The following KIF17 variants were observed in gnomAD, a reference collection of about 807,000 sequenced individuals.
KIF17 encodes the protein kinesin family member 17, also known as kinesin-like protein KIF17.
Under a neutral mutation model 96.8 loss-of-function variants are expected in KIF17, and 80 were observed. The ratio of observed to expected loss-of-function variants is 0.83; its 90% CI spans 0.69 to 1.00. KIF17 has a LOEUF of 1.00. Ranked by LOEUF, KIF17 falls within the 50% of genes least tolerant of loss-of-function variation. The pLI, the probability that KIF17 is intolerant of heterozygous loss-of-function variation, is 0.00. For synonymous variants in KIF17, 567 were observed against 587.5 expected, an observed-to-expected ratio of 0.97 and a Z score of 0.51; for missense variants, 1,280 against 1,372.9, an observed-to-expected ratio of 0.93 and a Z score of 1.07.
rs890974500 is a variant in KIF17, at chr1:20,672,856, C to CCT, written c.2464-662_2464-661dup. 28 of 162,338 alleles carry CCT rather than the reference C, an allele frequency of 1.7e-4. No individual in the cohort carries two copies. The South Asian group carries it at 4.1e-3, about 23-fold the overall frequency. The allele number at this position is 162,338 out of a possible 1,614,324, so 10.1% of individuals were successfully genotyped here. ...GACTGCCAGCCCCAGCCATAACCAC[C>CCT]CTCTCCCTGAGCCCCAAGACTACCT... is the stretch of plus-strand genomic sequence containing the variant. On this transcript the variant is annotated intron_variant, in intron 11 of 14. Coordinates refer to ENST00000400463, the MANE Select transcript of KIF17 (RefSeq NM_001122819.3). The surrounding 1 kb of genome is among the most constrained non-coding windows in gnomAD (Gnocchi z 4.3).
intron 4 of KIF17, among the ~76,000 whole-genome samples, chr1:20,708,281 G>A (rs1484849296): frequency 6.6e-6 from 1 of 152,188 alleles, no homozygotes; most frequent in African/African-American, 2.4e-5. Flanking sequence ...CCAAGGCCAG[G>A]TCACCACACC....
At chr1:20,703,184 T>TGAATGGAC (rs1433733624) in intron 5 of KIF17, among the ~76,000 whole-genome samples, 29 of 142,612 alleles carry the variant, frequency 2.0e-4, no homozygotes, top group Admixed American at 5.6e-4. Context: ...GATGAATGGA[T>TGAATGGAC]GGACGGATGG....
intron 4 of KIF17, among the ~76,000 whole-genome samples, chr1:20,705,564 A>G (rs1443260479): frequency 6.6e-6 from 1 of 152,240 alleles, no homozygotes; most frequent in Non-Finnish European, 1.5e-5. Context: ...AGAACTGTGC[A>G]GAGCTCCACA....
In KIF17 at chr1:20,713,623, C is replaced by G. The variant is rs2154537904; in HGVS notation, c.379-68G>C. On this transcript the variant is annotated intron_variant, in intron 2 of 14. Transcript: ENST00000400463. ...AGTCCACCTGCTGCCAGGTCTGACC[C>G]TGGGGCCTGGGCCCTCTGCCACCAG... 2.5e-6 allele frequency: 3 copies of G among 1,179,800 alleles called. No homozygotes were observed. In the South Asian group the frequency reaches 3.8e-5, roughly 15 times the overall value. 73.1% of individuals were successfully genotyped at this position (1,179,800 alleles called of 1,614,324 possible).
intron 6 of KIF17, among the ~76,000 whole-genome samples, chr1:20,696,358 C>A (rs1387355558): frequency 6.6e-6 from 1 of 151,638 alleles, no homozygotes; most frequent in Non-Finnish European, 1.5e-5. Context: ...GCAGGGATAG[C>A]GGGGTGGGGG....
At chr1:20,697,792 T>G (rs2054167547) in intron 6 of KIF17, among the ~76,000 whole-genome samples, 1 of 152,188 alleles carries the variant, frequency 6.6e-6, no homozygotes, top group South Asian at 2.1e-4. Context: ...GAAGTCCCGC[T>G]CTGGGGATCA....
rs79015351 is a variant in KIF17 at position 20,715,781 on chromosome 1, G to A, written c.232-142C>T. ...ACTGGACTGTGGAGATAAACAAGGC[G>A]CAGCTCTGTCCTCAAGGAGTTGACT... On this transcript the variant is annotated intron_variant, in intron 1 of 14. Transcript: ENST00000400463. 3,740 of 987,740 alleles carry A rather than the reference G, an allele frequency of 3.8e-3. 84 individuals are homozygous for A. The African/African-American group carries it at 0.049, about 13-fold the overall frequency. The allele number at this position is 987,740 out of a possible 1,614,324, so 61.2% of individuals were successfully genotyped here. A position where few individuals can be genotyped will look rare whatever the true frequency, so the allele number is the denominator to read the frequency against.
rs1471254017 is a variant in KIF17 at position 20,672,166 on chromosome 1, G to A, written c.2494C>T (p.Leu832=). ...TTCTCCAGCTGAAACTCGGACTGCA[G>A]ATCTTTGATCTCCACCTCTGCTGCC... ...LRAAEVEIKD[L]QSEFQLEKID... Residue 832 remains leucine (L), a synonymous_variant, in exon 12 of 15, where the codon CTG becomes TTG. Coordinates refer to ENST00000400463, the MANE Select transcript of KIF17 (RefSeq NM_001122819.3). The surrounding 1 kb of genome is among the most constrained non-coding windows in gnomAD (Gnocchi z 4.3). 6.2e-7 allele frequency: 1 copy of A among 1,614,154 alleles called. No homozygotes were observed. Among genetic ancestry groups the A allele is most frequent in the South Asian group, 1.1e-5 (1 of 91,084 alleles).
chr1:20,704,109 G>A lies in KIF17; in HGVS notation c.1123+338C>T, dbSNP rs893938980. On this transcript the variant is annotated intron_variant, in intron 5 of 14. Coordinates refer to ENST00000400463, the MANE Select transcript of KIF17 (RefSeq NM_001122819.3). This position sits in a 1 kb window ranked among gnomAD's most constrained non-coding sequence, Gnocchi z 6.8. ...TTGCCAGCTGCTGAGCAGCGAACAC[G>A]CATTGCGACAATGCCACAGACAGCA... is the stretch of plus-strand genomic sequence containing the variant. Among the ~76,000 whole-genome samples the A allele has an allele frequency of 7.2e-6, 1 of 139,028 alleles. No homozygotes were observed. The highest frequency in any genetic ancestry group is 7.8e-5 in the Admixed American group (1 of 12,840). 91.2% of individuals were successfully genotyped at this position (139,028 alleles called of 152,430 possible).
intron 5 of KIF17, among the ~76,000 whole-genome samples, chr1:20,698,865 C>T (rs1164083138): frequency 2.6e-5 from 4 of 152,122 alleles, no homozygotes; most frequent in Non-Finnish European, 4.4e-5. Flanking sequence ...ATGGGTAACA[C>T]GTTACAAGGC....
chr1:20,716,787 G>C (rs1379582663), intron 1 of KIF17, among the ~76,000 whole-genome samples: 1 of 152,160 alleles, frequency 6.6e-6, no homozygotes, highest in South Asian at 2.1e-4. Flanking sequence ...CTATTCATTC[G>C]ACAGGGACTA....
intron 4 of KIF17, among the ~76,000 whole-genome samples, chr1:20,707,676 G>A (rs1484486091): frequency 1.3e-5 from 2 of 151,206 alleles, no homozygotes; most frequent in Non-Finnish European, 2.9e-5. Context: ...AGGCTGAGGT[G>A]GGAGGATTGG....
chr1:20,714,795 T>TA (rs2054547446), intron 2 of KIF17, among the ~76,000 whole-genome samples: 1 of 22,150 alleles, frequency 4.5e-5, no homozygotes. Context: ...AGACTCCGTC[T>TA]CAAAAAAAAA....
At chr1:20,708,305 G>A (rs900443801) in intron 4 of KIF17, among the ~76,000 whole-genome samples, 5 of 152,204 alleles carry the variant, frequency 3.3e-5, no homozygotes, top group Non-Finnish European at 5.9e-5. Context: ...TGGGCAATGC[G>A]TCCAGGAGGT....
rs771110798 is a variant in KIF17, at chr1:20,717,539, G to T, written c.168C>A (p.Gly56=). ...CGGTGACGTGGTCCACGTGGTAGGC[G>T]CCGTCGAAGGTGAACTGCTTGGGCG... ...DEPPKQFTFD[G]AYHVDHVTEQ... The change falls in exon 1 of 15, where the codon GGC becomes GGA. Residue 56 remains glycine (G), a synonymous_variant. Coordinates refer to ENST00000400463, the MANE Select transcript of KIF17 (RefSeq NM_001122819.3). 14 of 1,611,884 alleles carry T rather than the reference G, an allele frequency of 8.7e-6. No homozygotes were observed. In the South Asian group the frequency reaches 1.3e-4, roughly 15 times the overall value.
Position 20,709,355 on chromosome 1 carries a change from G to A in KIF17, c.670+284C>T, listed in dbSNP as rs2054396224. ...GAGATCACCACTGCACTCCAGCCTG[G>A]GTGACAGGGTGACACTTTGTCTCAA... On this transcript the variant is annotated intron_variant, in intron 4 of 14. Transcript: ENST00000400463. The surrounding 1 kb of genome is among the most constrained non-coding windows in gnomAD (Gnocchi z 4.7). Among the ~76,000 whole-genome samples the A allele has an allele frequency of 1.3e-5, 2 of 152,140 alleles. No individual in the cohort carries two copies. The highest frequency in any genetic ancestry group is 4.8e-5 in the African/African-American group (2 of 41,428).
intron 7 of KIF17, 66 bp downstream of exon 7, chr1:20,690,122 A>T: frequency 6.4e-7 from 1 of 1,554,626 alleles, no homozygotes; most frequent in Non-Finnish European, 8.9e-7. Context: ...TGATGCAGTT[A>T]CTGCAGTGAG....
Position 20,672,371 on chromosome 1 carries a change from C to A in KIF17, c.2464-175G>T, listed in dbSNP as rs2053663035. Reference sequence around the variant, plus strand: ...GCCATCCTTCCCTCCATCCATCCATCCACCTCCTCTCACACCCACTGATCC... The same window carrying A: ...GCCATCCTTCCCTCCATCCATCCATACACCTCCTCTCACACCCACTGATCC... On this transcript the variant is annotated intron_variant, in intron 11 of 14. Transcript: ENST00000400463. The surrounding 1 kb of genome is among the most constrained non-coding windows in gnomAD (Gnocchi z 4.3). Among the ~76,000 whole-genome samples, 1 of 152,110 alleles carries A rather than the reference C, an allele frequency of 6.6e-6. No individual in the cohort carries two copies. Among genetic ancestry groups the A allele is most frequent in the African/African-American group, 2.4e-5 (1 of 41,406 alleles).
At chr1:20,681,047 AC>A (rs2053821151) in intron 11 of KIF17, among the ~76,000 whole-genome samples, 1 of 147,738 alleles carries the variant, frequency 6.8e-6, no homozygotes, top group Non-Finnish European at 1.5e-5. Context: ...AATGGCATGA[AC>A]CCAGGAGGCG....
Sources: allele counts gnomAD v4.1 joint callset (sites outside exome capture counted in the v4.1 genomes callset), GRCh38; gene constraint gnomAD v4.1.1; non-coding constraint Gnocchi (gnomAD v3.1); transcripts MANE v1.5; gene names NCBI Gene and HGNC (gene_info 2026-07-23, HGNC 2026-07-21).